RARB: variants seen among roughly 807,000 people sequenced by gnomAD.
RARB encodes retinoic acid receptor beta, also known as HBV-activated protein.
RARB carries 17 observed loss-of-function variants against 51.9 expected under a neutral mutation model. That is an observed-to-expected ratio of 0.33 (90% CI 0.22 to 0.49). The LOEUF is 0.49. Ranked by LOEUF, RARB falls within the 20% of genes least tolerant of loss-of-function variation. The pLI, the probability that RARB is intolerant of heterozygous loss-of-function variation, is 0.99. For synonymous variants in RARB, 215 were observed against 195.4 expected (o/e 1.10, Z -0.84); for missense variants, 369 against 550.8 (o/e 0.67, Z 3.30).
At chr3:25,180,208 G>C (rs1404348397) in intron 5 of RARB, among the ~76,000 whole-genome samples, 1 of 152,136 alleles carries the variant, frequency 6.6e-6, no homozygotes. Context: ...GGAAGGACAT[G>C]ACTGAAAGAA....
chr3:25,108,998 T>C (rs1287506513), intron 3 of RARB, among the ~76,000 whole-genome samples: 3 of 152,158 alleles, frequency 2.0e-5, no homozygotes, highest in Non-Finnish European at 4.4e-5. Flanking sequence ...GACCAGATTG[T>C]ATCCCTGCAT....
chr3:25,220,189 C>T (rs563512684), intron 5 of RARB, among the ~76,000 whole-genome samples: 1 of 152,180 alleles, frequency 6.6e-6, no homozygotes, highest in Non-Finnish European at 1.5e-5. Context: ...GTCAACCAGT[C>T]AGCTTGACAG....
intron 2 of RARB, among the ~76,000 whole-genome samples, chr3:25,057,976 T>A (rs1467839453): frequency 6.6e-6 from 1 of 152,100 alleles, no homozygotes; most frequent in South Asian, 2.1e-4. Context: ...TTTCCTGAAT[T>A]AAACTATTCC....
chr3:25,519,134 G>C (rs1698296757), intron 3 of RARB, among the ~76,000 whole-genome samples: 1 of 152,162 alleles, frequency 6.6e-6, no homozygotes, highest in African/African-American at 2.4e-5. Flanking sequence ...TTCTGTTACT[G>C]AGTAGCATTC....
chr3:25,192,527 A>T (rs1701128195), intron 5 of RARB, among the ~76,000 whole-genome samples: 1 of 152,108 alleles, frequency 6.6e-6, no homozygotes, highest in African/African-American at 2.4e-5. Context: ...TTATTAATTT[A>T]ACATTTAGTA....
chr3:25,351,410 A>G (rs1327848370), intron 5 of RARB, among the ~76,000 whole-genome samples: 1 of 152,058 alleles, frequency 6.6e-6, no homozygotes. Context: ...TTGTTTATCG[A>G]TCACAGAAAA....
chr3:25,525,477 A>G (rs369668289), intron 3 of RARB, among the ~76,000 whole-genome samples: 28 of 152,200 alleles, frequency 1.8e-4, no homozygotes, highest in African/African-American at 6.5e-4. Flanking sequence ...CCCCTCAGCA[A>G]ACATAGCTTC....
At chr3:25,209,049 C>G (rs1575221740) in intron 5 of RARB, among the ~76,000 whole-genome samples, 1 of 152,352 alleles carries the variant, frequency 6.6e-6, no homozygotes, top group East Asian at 1.9e-4. Context: ...AAAAGTGAAA[C>G]AGAAGGCTGA....
intron 2 of RARB, among the ~76,000 whole-genome samples, chr3:25,025,678 G>C (rs538541223): frequency 6.6e-6 from 1 of 152,286 alleles, no homozygotes; most frequent in African/African-American, 2.4e-5. Context: ...GCTGCCAGGA[G>C]GGACATGGGC....
At chr3:24,921,339 G>A (rs530817456) in intron 2 of RARB, among the ~76,000 whole-genome samples, 5 of 152,170 alleles carry the variant, frequency 3.3e-5, no homozygotes, top group African/African-American at 9.6e-5. Context: ...GTATCACTCC[G>A]CTCCTTAAAG....
intron 4 of RARB, among the ~76,000 whole-genome samples, chr3:25,576,724 C>T (rs1335040628): frequency 6.6e-6 from 1 of 152,178 alleles, no homozygotes; most frequent in Non-Finnish European, 1.5e-5. Flanking sequence ...TGCTCGAAGC[C>T]CTCTCTAGCC....
intron 5 of RARB, among the ~76,000 whole-genome samples, chr3:25,219,963 G>C (rs527392088): frequency 3.3e-4 from 51 of 152,298 alleles, no homozygotes; most frequent in African/African-American, 1.2e-3. Flanking sequence ...TTACTGTGTA[G>C]AGTAAAACAC....
intron 2 of RARB, among the ~76,000 whole-genome samples, chr3:24,986,973 C>CGTT (rs916408265): frequency 1.3e-5 from 2 of 151,824 alleles, no homozygotes; most frequent in African/African-American, 4.8e-5. Flanking sequence ...TTTCAACGGT[C>CGTT]GTCATCTTTC....
chr3:25,473,332 ACT>A (rs1269840589), intron 2 of RARB, among the ~76,000 whole-genome samples: 2 of 151,818 alleles, frequency 1.3e-5, no homozygotes, highest in African/African-American at 2.4e-5. Context: ...GGGAAATAAA[ACT>A]CTGTGTGCAT....
chr3:25,248,157 G>T (rs1217629639), intron 5 of RARB, among the ~76,000 whole-genome samples: 2 of 152,044 alleles, frequency 1.3e-5, no homozygotes, highest in Non-Finnish European at 2.9e-5. Context: ...AACTGTTTTT[G>T]ATTTTAATGT....
intron 5 of RARB, among the ~76,000 whole-genome samples, chr3:25,245,092 T>C (rs1299308428): frequency 6.6e-6 from 1 of 152,194 alleles, no homozygotes; most frequent in Admixed American, 6.5e-5. Context: ...TCTTTGTTGG[T>C]TTAAAGTCTA....
rs139288914 is a variant in RARB at position 25,388,501 on chromosome 3, A to G, written c.179-72692A>G. Among the ~76,000 whole-genome samples the G allele has an allele frequency of 2.0e-5, 3 of 152,334 alleles. No homozygotes were observed. In the East Asian group the frequency reaches 5.8e-4, roughly 29 times the overall value. ...TGAAAGCATTAGTTTAATGAAAGATAAGTGGACTTGATAAGTGTACCATCA... is the reference window on the plus strand; with the variant it reads ...TGAAAGCATTAGTTTAATGAAAGATGAGTGGACTTGATAAGTGTACCATCA... On this transcript the variant is annotated intron_variant, in intron 5 of 11. Transcript: ENST00000383772.
chr3:25,463,556 G>C (rs540251184), intron 2 of RARB, among the ~76,000 whole-genome samples: 1 of 152,124 alleles, frequency 6.6e-6, no homozygotes, highest in East Asian at 1.9e-4. Context: ...CCAGCTACTT[G>C]GGAGGCTGAG....
intron 4 of RARB, among the ~76,000 whole-genome samples, chr3:25,133,757 T>C (rs1243598077): frequency 6.6e-6 from 1 of 151,842 alleles, no homozygotes; most frequent in Non-Finnish European, 1.5e-5. Flanking sequence ...TGTACACACA[T>C]ATGCAGACAC....
Sources: allele counts gnomAD v4.1 joint callset (sites outside exome capture counted in the v4.1 genomes callset), GRCh38; gene constraint gnomAD v4.1.1; transcripts MANE v1.5; gene names NCBI Gene and HGNC (gene_info 2026-07-23, HGNC 2026-07-21).